ANK3: variants seen among roughly 807,000 people sequenced by gnomAD.
The protein encoded by ANK3 is ankyrin-3.
A neutral mutation model predicts 370.9 loss-of-function variants in ANK3; 57 were observed. That is an observed-to-expected ratio of 0.15 (90% CI 0.12 to 0.19). ANK3 has a LOEUF of 0.19. Ranked by LOEUF, ANK3 falls within the 10% of genes least tolerant of loss-of-function variation. ANK3 has a pLI of 1.00. For missense variants in ANK3, 4,439 were observed against 5,302.1 expected (o/e 0.84, Z 5.06); for synonymous variants, 1,929 against 1,946.3 (o/e 0.99, Z 0.23).
chr10:60,269,635 A>G (rs2097934335), intron 5 of ANK3, among the ~76,000 whole-genome samples: 1 of 146,196 alleles, frequency 6.8e-6, no homozygotes, highest in African/African-American at 2.6e-5. Context: ...ACAGAGTGAG[A>G]CTCCATCCCC....
rs187903301 is a variant in ANK3, at chr10:60,107,087, T to C, written c.3174-1028A>G. Among the ~76,000 whole-genome samples, 515 of 152,232 alleles carry C rather than the reference T, an allele frequency of 3.4e-3. 3 individuals are homozygous for C. Among genetic ancestry groups the C allele is most frequent in the Non-Finnish European group, 5.6e-3 (384 of 67,968 alleles). ...ATATAAATAAAAACATGAATATCGATTTATTAGAAAAGCATTTGCTTCAAA... is the reference window on the plus strand; with the variant it reads ...ATATAAATAAAAACATGAATATCGACTTATTAGAAAAGCATTTGCTTCAAA... On this transcript the variant is annotated intron_variant, in intron 27 of 43. Coordinates refer to ENST00000280772, the MANE Select transcript of ANK3 (RefSeq NM_020987.5).
chr10:60,141,020 A>G (rs2094535218), intron 23 of ANK3: 16 of 985,346 alleles, frequency 1.6e-5, no homozygotes, highest in Non-Finnish European at 1.9e-5. Flanking sequence ...CTCAGCTGGG[A>G]ACACTGGGAG....
At chr10:60,329,729 C>T (rs772633303) in intron 1 of ANK3, among the ~76,000 whole-genome samples, 1 of 152,126 alleles carries the variant, frequency 6.6e-6, no homozygotes, top group Non-Finnish European at 1.5e-5. Flanking sequence ...TTTATAGATT[C>T]AATGCTATCC....
At chr10:60,213,702 G>T (rs924552103) in intron 8 of ANK3, among the ~76,000 whole-genome samples, 192 bp from the exon 9 acceptor site, 1 of 152,106 alleles carries the variant, frequency 6.6e-6, no homozygotes, top group Admixed American at 6.5e-5. Context: ...TTAAGTAGCT[G>T]CAAAGTATGT....
chr10:60,114,392 C>A, intron 25 of ANK3, 61 bp from the exon 26 acceptor site: 2 of 854,966 alleles, frequency 2.3e-6, no homozygotes, highest in Non-Finnish European at 3.7e-6. Flanking sequence ...GATTTCTCTA[C>A]ACATATAAAA....
chr10:60,654,260 A>G (rs547899332), intron 1 of ANK3, among the ~76,000 whole-genome samples: 2 of 152,302 alleles, frequency 1.3e-5, no homozygotes, highest in Admixed American at 1.3e-4. Context: ...GTTGTCTACA[A>G]ATAGACAGTT....
intron 2 of ANK3, among the ~76,000 whole-genome samples, chr10:60,453,745 G>GACAC (rs748790010): frequency 6.0e-5 from 9 of 150,678 alleles, no homozygotes; most frequent in East Asian, 3.9e-4. Flanking sequence ...CACACAGACA[G>GACAC]ACACACACAC....
At chr10:60,195,735 T>C (rs890471264) in intron 16 of ANK3, among the ~76,000 whole-genome samples, 13 of 152,184 alleles carry the variant, frequency 8.5e-5, no homozygotes, top group African/African-American at 3.1e-4. Flanking sequence ...AAAACACACA[T>C]GTAAAACCTC....
intron 23 of ANK3, among the ~76,000 whole-genome samples, chr10:60,154,595 A>G (rs1431025009): frequency 6.6e-6 from 1 of 152,102 alleles, no homozygotes; most frequent in African/African-American, 2.4e-5. Flanking sequence ...GAAGTTTGAG[A>G]CCAGCCTGGC....
rs12259742 is a variant in ANK3, at chr10:60,531,451, T to C, written c.96+83735A>G. Among the ~76,000 whole-genome samples the C allele has an allele frequency of 4.3e-3, 652 of 152,180 alleles. 5 individuals are homozygous for C. The highest frequency in any genetic ancestry group is 0.014 in the African/African-American group (599 of 41,552). On this transcript the variant is annotated intron_variant, in intron 2 of 43. Coordinates refer to the ANK3 transcript ENST00000373827. ...TAACTGTAATATTAGTTGCCTCTGG[T>C]GAGGGAAAATCAGTGGCTGTGGGCC...
rs569915878 is a variant in ANK3, at chr10:60,028,358, A to T, written c.*1488T>A. 4.6e-5 allele frequency: 7 copies of T among 152,792 alleles called. No homozygotes were observed. The East Asian group carries it at 1.4e-3, about 30-fold the overall frequency. The allele number at this position is 152,792 out of a possible 1,614,324, so 9.5% of individuals were successfully genotyped here. ...GACTCATATGACAAGGGATTAGACA[A>T]CTACCTTTTGCCAGAAAACACAAGG... On this transcript the variant is annotated 3_prime_UTR_variant, in exon 44 of 44. Transcript: ENST00000280772.
intron 43 of ANK3, among the ~76,000 whole-genome samples, chr10:60,038,134 C>T (rs141002091): frequency 0.018 from 2,799 of 152,286 alleles, 38 homozygotes; most frequent in Non-Finnish European, 0.027. Context: ...CAGTGGCTCA[C>T]GCCCGTAATT....
intron 2 of ANK3, chr10:60,572,670 A>G: frequency 7.0e-7 from 1 of 1,436,586 alleles, no homozygotes; most frequent in African/African-American, 1.4e-5. Context: ...GCTTAAACCC[A>G]GCCCCTGCTG....
In ANK3 at chr10:60,669,262, C is replaced by T. The variant is rs541814217; in HGVS notation, c.58-54038G>A. 5.4e-4 allele frequency among the ~76,000 whole-genome samples: 83 copies of T among 152,314 alleles called. 1 individual carries two copies. Among genetic ancestry groups the T allele is most frequent in the South Asian group, 3.7e-3 (18 of 4,826 alleles). On this transcript the variant is annotated intron_variant, in intron 1 of 43. Transcript: ENST00000373827. Reference sequence around the variant, plus strand: ...GACAAATGTCGGCACAGAAGTGCAGCGCTAAATAACTTGACAAACTTTTCT... The same window carrying T: ...GACAAATGTCGGCACAGAAGTGCAGTGCTAAATAACTTGACAAACTTTTCT...
At chr10:60,278,206 A>C (rs1013180357) in intron 4 of ANK3, among the ~76,000 whole-genome samples, 5 of 152,184 alleles carry the variant, frequency 3.3e-5, no homozygotes, top group Non-Finnish European at 7.3e-5. Flanking sequence ...GTTTTTAAAA[A>C]GATTGAACCT....
chr10:60,644,151 G>C (rs1177189533), intron 1 of ANK3, among the ~76,000 whole-genome samples: 1 of 152,150 alleles, frequency 6.6e-6, no homozygotes, highest in East Asian at 1.9e-4. Flanking sequence ...GGAGAAGAGA[G>C]TAATGAATGT....
At chr10:60,589,069 A>C (rs894291424) in intron 2 of ANK3, among the ~76,000 whole-genome samples, 8 of 152,336 alleles carry the variant, frequency 5.3e-5, no homozygotes, top group African/African-American at 1.9e-4. Context: ...TTAAAAAATA[A>C]TTTCAGAAAT....
chr10:60,700,371 A>G (rs141753885), intron 1 of ANK3, among the ~76,000 whole-genome samples: 130 of 152,324 alleles, frequency 8.5e-4, no homozygotes, highest in African/African-American at 2.9e-3. Context: ...AATATAAAAC[A>G]CACTTTAAGG....
intron 38 of ANK3, among the ~76,000 whole-genome samples, chr10:60,067,362 T>C (rs1396139255): frequency 1.3e-5 from 2 of 152,226 alleles, no homozygotes; most frequent in Non-Finnish European, 2.9e-5. Context: ...CGAAGTGATA[T>C]AAGATTTTTC....
Sources: gnomAD v4.1 joint callset for allele counts (sites outside exome capture counted in the v4.1 genomes callset) on GRCh38, gnomAD v4.1.1 for gene constraint, MANE v1.5 for transcripts, NCBI Gene and HGNC (gene_info 2026-07-23, HGNC 2026-07-21) for gene names.